Variants in PLPP3 observed in about 807,000 individuals in gnomAD.
The protein encoded by PLPP3 is PAP2 beta.
A neutral mutation model predicts 29.6 loss-of-function variants in PLPP3; 6 were observed. The observed-to-expected ratio is 0.20, with a 90% CI of 0.11 to 0.40. The LOEUF (loss-of-function observed/expected upper bound fraction) is 0.40, where lower values mean the gene tolerates loss of function less well. Among genes scored for constraint, PLPP3 ranks in the 10% least tolerant of loss-of-function variants. The pLI is 1.00. For missense variants in PLPP3, 308 were observed against 407.7 expected (o/e 0.76, Z 2.11); for synonymous variants, 152 against 159.7 (o/e 0.95, Z 0.36).
rs543857880 is a variant in PLPP3, at chr1:56,559,483, C to T, written c.139+19395G>A. Among the ~76,000 whole-genome samples, 282 of 151,824 alleles carry T rather than the reference C, an allele frequency of 1.9e-3. 1 individual carries two copies. The highest frequency in any genetic ancestry group is 7.9e-3 in the South Asian group (38 of 4,804). ...CCCAGGCTGGTCTTGAACTCCTGAG[C>T]TCAAGTGATCCTCCCACCTCGGCCT... On this transcript the variant is annotated intron_variant, in intron 1 of 5. Transcript: ENST00000371250.
intron 4 of PLPP3, among the ~76,000 whole-genome samples, chr1:56,514,071 T>TA (rs1000316405): frequency 8.7e-5 from 13 of 149,958 alleles, no homozygotes; most frequent in South Asian, 2.1e-4. Flanking sequence ...AAATTAAATT[T>TA]AAAAAAAAAG....
chr1:56,577,030 T>C (rs1375231813), intron 1 of PLPP3, among the ~76,000 whole-genome samples: 2 of 152,234 alleles, frequency 1.3e-5, no homozygotes, highest in Admixed American at 6.5e-5. Context: ...AAGCATGTTC[T>C]AGCTCTGCTT....
intron 1 of PLPP3, among the ~76,000 whole-genome samples, chr1:56,562,635 C>T (rs1346601470): frequency 6.6e-6 from 1 of 152,208 alleles, no homozygotes; most frequent in Non-Finnish European, 1.5e-5. Context: ...ATCATCATCC[C>T]CATTTTATCA....
chr1:56,515,514 T>C (rs1013700189), intron 4 of PLPP3, among the ~76,000 whole-genome samples: 1 of 151,896 alleles, frequency 6.6e-6, no homozygotes, highest in Non-Finnish European at 1.5e-5. Context: ...AAATACACCA[T>C]AAGAATTTGA....
In PLPP3 at chr1:56,524,806, A is replaced by ATGTGTGTG. The variant is rs3835682; in HGVS notation, c.298-260_298-253dup. On this transcript the variant is annotated intron_variant, in intron 2 of 5. Transcript: ENST00000371250. The surrounding 1 kb of genome is among the most constrained non-coding windows in gnomAD (Gnocchi z 4.3). The stretch of plus-strand genomic sequence containing the variant: ...AATATATTTATATGTATATATGTGT[A>ATGTGTGTG]TGTGTGTGTGTGTGTGTGTGTGTGT... Among the ~76,000 whole-genome samples, 5 of 148,142 alleles carry ATGTGTGTG rather than the reference A, an allele frequency of 3.4e-5. No homozygotes were observed. The East Asian group carries it at 8.1e-4, about 24-fold the overall frequency.
intron 2 of PLPP3, among the ~76,000 whole-genome samples, chr1:56,533,735 T>C (rs186690843): frequency 5.8e-4 from 89 of 152,256 alleles, no homozygotes; most frequent in African/African-American, 2.1e-3. Flanking sequence ...AACAAGCCTA[T>C]GGCATTGGTG....
At chr1:56,542,762 C>T (rs577638282) in intron 1 of PLPP3, among the ~76,000 whole-genome samples, 10 of 152,238 alleles carry the variant, frequency 6.6e-5, no homozygotes, top group African/African-American at 2.4e-4. Context: ...TGGCTCATTT[C>T]TGTAATCCTA....
At chr1:56,512,316 T>C in intron 4 of PLPP3, 164 bp from the exon 5 acceptor site, 1 of 658,144 alleles carries the variant, frequency 1.5e-6, no homozygotes, top group South Asian at 2.3e-5. Context: ...GCCAGTTATT[T>C]AAATGCTGAG....
intron 5 of PLPP3, among the ~76,000 whole-genome samples, chr1:56,504,826 CA>C (rs1645692172): frequency 6.6e-6 from 1 of 152,158 alleles, no homozygotes; most frequent in Non-Finnish European, 1.5e-5. Context: ...CCACTGTCCT[CA>C]GTAGTGTATC....
At chr1:56,567,648 C>G (rs959480004) in intron 1 of PLPP3, among the ~76,000 whole-genome samples, 7 of 152,098 alleles carry the variant, frequency 4.6e-5, no homozygotes, top group African/African-American at 1.4e-4. Flanking sequence ...CCACCCGCCT[C>G]GGCCTCCCAA....
Position 56,516,599 on chromosome 1 carries a change from T to C in PLPP3, c.634-4447A>G, listed in dbSNP as rs571240968. On this transcript the variant is annotated intron_variant, in intron 4 of 5. Coordinates refer to ENST00000371250, the MANE Select transcript of PLPP3 (RefSeq NM_003713.5). ...GCTTATCTGCATTCACTTCCTCATC[T>C]GCATGAAGGCCTCTGGGCTAGAGAA... 3.3e-5 allele frequency among the ~76,000 whole-genome samples: 5 copies of C among 152,152 alleles called. No homozygotes were observed. In the East Asian group the frequency reaches 7.7e-4, roughly 24 times the overall value.
intron 1 of PLPP3, chr1:56,538,585 A>G (rs968070582): frequency 2.7e-6 from 1 of 372,244 alleles, no homozygotes; most frequent in Non-Finnish European, 5.2e-6. Flanking sequence ...ATCTAAGGGA[A>G]TGGGTACTGC....
At chr1:56,566,739 A>G (rs1646164304) in intron 1 of PLPP3, among the ~76,000 whole-genome samples, 1 of 152,190 alleles carries the variant, frequency 6.6e-6, no homozygotes, top group Non-Finnish European at 1.5e-5. Context: ...CCCTTTTGTA[A>G]TATTTGAGGT....
chr1:56,535,458 G>C (rs1026671690), intron 2 of PLPP3, among the ~76,000 whole-genome samples: 1 of 152,158 alleles, frequency 6.6e-6, no homozygotes, highest in African/African-American at 2.4e-5. Context: ...CCATTGTATG[G>C]GTTGGGGAAG....
At chr1:56,534,218 G>A (rs890711561) in intron 2 of PLPP3, among the ~76,000 whole-genome samples, 1 of 152,156 alleles carries the variant, frequency 6.6e-6, no homozygotes, top group African/African-American at 2.4e-5. Flanking sequence ...CCTTTGCAAG[G>A]CAGGGATAGG....
Position 56,504,696 on chromosome 1 carries a change from C to A in PLPP3, c.810+7280G>T, listed in dbSNP as rs376491827. On this transcript the variant is annotated intron_variant, in intron 5 of 5. Transcript: ENST00000371250. ...TATTCCTTCTGCGTGGAATTCCCTT[C>A]CTTATCTTTTGTATCTTACAGCAAA... is the stretch of plus-strand genomic sequence containing the variant. Among the ~76,000 whole-genome samples the A allele has an allele frequency of 3.3e-5, 5 of 152,294 alleles. No individual in the cohort carries two copies. The East Asian group carries it at 7.7e-4, about 24-fold the overall frequency.
chr1:56,574,709 A>T (rs1461032939), intron 1 of PLPP3, among the ~76,000 whole-genome samples: 1 of 152,204 alleles, frequency 6.6e-6, no homozygotes, highest in Non-Finnish European at 1.5e-5. Context: ...CTTAACCTTA[A>T]TAAAAGCAGT....
chr1:56,542,237 G>C (rs955589193), intron 1 of PLPP3, among the ~76,000 whole-genome samples: 1 of 152,108 alleles, frequency 6.6e-6, no homozygotes, highest in Non-Finnish European at 1.5e-5. Context: ...GGGTGGTTTG[G>C]GGGTGGAGTG....
At chr1:56,550,054 C>T (rs11206840) in intron 1 of PLPP3, among the ~76,000 whole-genome samples, 22,289 of 151,984 alleles carry the variant, frequency 0.15, 2,878 homozygotes, top group East Asian at 0.49. Flanking sequence ...ACGCTGGGTC[C>T]GGCTGACTTT....
Sources: allele counts gnomAD v4.1 joint callset (sites outside exome capture counted in the v4.1 genomes callset), GRCh38; gene constraint gnomAD v4.1.1; non-coding constraint Gnocchi (gnomAD v3.1); transcripts MANE v1.5; gene names NCBI Gene and HGNC (gene_info 2026-07-23, HGNC 2026-07-21).